INO80D: variants seen among roughly 807,000 people sequenced by gnomAD.
INO80D encodes INO80 complex subunit D.
INO80D carries 21 observed loss-of-function variants against 87.6 expected under a neutral mutation model. That is an observed-to-expected ratio of 0.24 (90% CI 0.17 to 0.35). The LOEUF (loss-of-function observed/expected upper bound fraction) is 0.35. Among genes scored for constraint, INO80D ranks in the 10% least tolerant of loss-of-function variants. The pLI is 1.00. For missense variants in INO80D, 982 were observed against 1,280.7 expected (o/e 0.77, Z 3.56); for synonymous variants, 440 against 491.0 (o/e 0.90, Z 1.37).
At chr2:206,020,764 C>A (rs1317329091) in intron 6 of INO80D, among the ~76,000 whole-genome samples, 1 of 152,028 alleles carries the variant, frequency 6.6e-6, no homozygotes, top group Non-Finnish European at 1.5e-5. Context: ...AATTTGCCAG[C>A]CCCCACTCCC....
intron 5 of INO80D, among the ~76,000 whole-genome samples, chr2:206,039,503 A>G (rs529572377): frequency 1.3e-5 from 2 of 152,166 alleles, no homozygotes; most frequent in African/African-American, 2.4e-5. Context: ...TATTTAATAA[A>G]TAAACTCTTA....
At chr2:206,013,848 T>TAAAAAAAAAAAAAAAAAAAAA (rs34453361) in intron 8 of INO80D, among the ~76,000 whole-genome samples, 1 of 117,992 alleles carries the variant, frequency 8.5e-6, no homozygotes. Context: ...TGAGTAAGCT[T>TAAAAAAAAAAAAAAAAAAAAA]AAAAAAAAAA....
At chr2:206,022,758 G>A (rs907974121) in intron 6 of INO80D, among the ~76,000 whole-genome samples, 6 of 152,116 alleles carry the variant, frequency 3.9e-5, no homozygotes, top group Non-Finnish European at 2.9e-5. Context: ...CTGTCACCCA[G>A]GCTGGAGTGC....
At position 206,003,235 on chromosome 2, in the gene INO80D, G is replaced by C. The variant is rs1300267448; in HGVS notation, c.*1133C>G. 1.3e-5 allele frequency: 2 copies of C among 152,158 alleles called. No homozygotes were observed. Among genetic ancestry groups the C allele is most frequent in the Non-Finnish European group, 2.9e-5 (2 of 68,030 alleles). The allele number at this position is 152,158 out of a possible 1,614,324, so 9.4% of individuals were successfully genotyped here. ...CACAACTGGTACACTGATTCTACAA[G>C]TGTCTTAACATTTTACAAATCTTAC... On this transcript the variant is annotated 3_prime_UTR_variant, in exon 11 of 11. Coordinates refer to ENST00000403263, the MANE Select transcript of INO80D (RefSeq NM_017759.5).
chr2:206,074,804 T>C (rs1690066533), intron 1 of INO80D, among the ~76,000 whole-genome samples: 1 of 151,928 alleles, frequency 6.6e-6, no homozygotes, highest in Non-Finnish European at 1.5e-5. Flanking sequence ...CCAGGTGTGG[T>C]GGCACATGCC....
At chr2:206,082,347 A>C (rs1690308277) in intron 1 of INO80D, among the ~76,000 whole-genome samples, 1 of 152,216 alleles carries the variant, frequency 6.6e-6, no homozygotes, top group Non-Finnish European at 1.5e-5. Context: ...AACAAATCAC[A>C]TTCTGTGAAA....
At chr2:206,079,944 C>T (rs907493404) in intron 1 of INO80D, among the ~76,000 whole-genome samples, 2 of 152,162 alleles carry the variant, frequency 1.3e-5, no homozygotes, top group Non-Finnish European at 1.5e-5. Context: ...TATGGAATGC[C>T]GAACTCCTCC....
At chr2:206,042,679 T>TCAA (rs1342448932) in intron 5 of INO80D, among the ~76,000 whole-genome samples, 31 of 60,074 alleles carry the variant, frequency 5.2e-4, no homozygotes, top group Non-Finnish European at 1.2e-3. Flanking sequence ...AGACTTTGTC[T>TCAA]CAAAAAAAAA....
chr2:206,039,810 C>CAAAAAAAAA (rs35689223), intron 5 of INO80D, among the ~76,000 whole-genome samples: 1 of 101,116 alleles, frequency 9.9e-6, no homozygotes, highest in African/African-American at 4.0e-5. Context: ...CCTCTGTCTC[C>CAAAAAAAAA]AAAAAAAAAA....
At chr2:206,039,826 A>AAG (rs2105852901) in intron 5 of INO80D, among the ~76,000 whole-genome samples, 1 of 150,680 alleles carries the variant, frequency 6.6e-6, no homozygotes, top group East Asian at 1.9e-4. Context: ...AAAAAAAAAA[A>AAG]AAGAAAGAAA....
chr2:206,025,542 A>AAAAAAAAAAAAAAAAAAAAATATATAT (rs71301548), intron 6 of INO80D: 3 of 76,946 alleles, frequency 3.9e-5, no homozygotes, highest in Non-Finnish European at 5.1e-5. Flanking sequence ...AAAAAAAAAA[A>AAAAAAAAAAAAAAAAAAAAATATATAT]ATATATATAT....
intron 5 of INO80D, among the ~76,000 whole-genome samples, chr2:206,033,884 A>T (rs1323347734): frequency 6.6e-6 from 1 of 152,156 alleles, no homozygotes. Flanking sequence ...AATCCAAATA[A>T]CCTCAATAAG....
intron 5 of INO80D, among the ~76,000 whole-genome samples, chr2:206,045,675 A>G (rs1000434964): frequency 5.3e-5 from 8 of 152,188 alleles, no homozygotes; most frequent in South Asian, 2.1e-4. Context: ...CAGCTTTCCA[A>G]TAAGGAAGGT....
rs1575893412 is a variant in INO80D, at chr2:206,077,158, T to TC, written c.-124+8742dup. 2.0e-5 allele frequency among the ~76,000 whole-genome samples: 3 copies of TC among 151,912 alleles called. No individual in the cohort carries two copies. The East Asian group carries it at 5.8e-4, about 29-fold the overall frequency. The stretch of plus-strand genomic sequence containing the variant: ...TGGGCATGGTGGTGGGCGCCTGTAG[T>TC]CCCAGCTACTCAGGAGGCTGAGGGA... On this transcript the variant is annotated intron_variant, in intron 1 of 10. Coordinates refer to ENST00000403263, the MANE Select transcript of INO80D (RefSeq NM_017759.5).
intron 6 of INO80D, among the ~76,000 whole-genome samples, chr2:206,023,582 C>T (rs541520086): frequency 1.3e-5 from 2 of 149,670 alleles, no homozygotes; most frequent in South Asian, 4.2e-4. Flanking sequence ...ACTTGGGAGG[C>T]TGAGGGAGAA....
At chr2:206,070,690 A>T (rs554936559) in intron 1 of INO80D, among the ~76,000 whole-genome samples, 34 of 152,226 alleles carry the variant, frequency 2.2e-4, no homozygotes, top group Non-Finnish European at 2.6e-4. Flanking sequence ...ACTGCACTCC[A>T]GGCAACAGAG....
intron 5 of INO80D, among the ~76,000 whole-genome samples, chr2:206,041,987 C>G (rs1456670143): frequency 6.6e-6 from 1 of 151,862 alleles, no homozygotes; most frequent in Admixed American, 6.6e-5. Context: ...TTAAAATTAG[C>G]CAGGTGTGGT....
At position 206,005,182 on chromosome 2, in the gene INO80D, G is replaced by A; in HGVS notation, c.2270C>T (p.Ser757Phe). The A allele has an allele frequency of 6.2e-7, 1 of 1,614,044 alleles. No homozygotes were observed. Among genetic ancestry groups the A allele is most frequent in the Admixed American group, 1.7e-5 (1 of 60,036 alleles). The change falls in exon 11 of 11, where the codon TCT becomes TTT. Residue 757 changes from serine (S) to phenylalanine (F), a missense_variant. Ser to Phe is a radical substitution (Grantham distance 155). Transcript: ENST00000403263. Reference sequence around the variant, plus strand: ...AGTAAGGCCAACGTTGGCTGGGGCAGAGAACTGCCCCTGGATCTGCCCTGC... The same window carrying A: ...AGTAAGGCCAACGTTGGCTGGGGCAAAGAACTGCCCCTGGATCTGCCCTGC... ...PLAGQIQGQFSAPANVGLTSA... is the reference protein window; with the variant it reads ...PLAGQIQGQFFAPANVGLTSA...
intron 1 of INO80D, among the ~76,000 whole-genome samples, chr2:206,066,243 G>A (rs577431647): frequency 1.3e-5 from 2 of 151,916 alleles, no homozygotes; most frequent in Non-Finnish European, 2.9e-5. Flanking sequence ...GTGATGGAGC[G>A]AGACGATGTC....
Sources: gnomAD v4.1 joint callset for allele counts (sites outside exome capture counted in the v4.1 genomes callset) on GRCh38, gnomAD v4.1.1 for gene constraint, MANE v1.5 for transcripts, NCBI Gene and HGNC (gene_info 2026-07-23, HGNC 2026-07-21) for gene names.